Variants in BDH1 observed in about 807,000 individuals in gnomAD.
BDH1 encodes the protein D-beta-hydroxybutyrate dehydrogenase, mitochondrial.
In BDH1, 30 loss-of-function variants were observed where a neutral mutation model predicts 33.1. The ratio of observed to expected loss-of-function variants is 0.91; its 90% CI spans 0.68 to 1.23. The LOEUF (loss-of-function observed/expected upper bound fraction) is 1.23, where lower values mean the gene tolerates loss of function less well. BDH1 is among the 50% of genes most tolerant of loss of function. The pLI is 0.00. For missense variants in BDH1, 443 were observed against 464.4 expected (o/e 0.95, Z 0.42); for synonymous variants, 190 against 183.6 (o/e 1.03, Z -0.28).
chr3:197,569,487 C>T (rs566494242), intron 1 of BDH1, among the ~76,000 whole-genome samples: 1 of 152,286 alleles, frequency 6.6e-6, no homozygotes, highest in South Asian at 2.1e-4. Flanking sequence ...CAAATATCAT[C>T]TTGAACTGTA....
At chr3:197,560,852 G>C (rs926081568), upstream of BDH1, among the ~76,000 whole-genome samples, 26 of 152,186 alleles carry the variant, frequency 1.7e-4, no homozygotes, top group African/African-American at 5.3e-4. Context: ...TCTTTGGAAA[G>C]GCTAATCAGA....
Position 197,511,955 on chromosome 3 carries a change from C to T in BDH1, c.972G>A (p.Leu324=), listed in dbSNP as rs762905070. The T allele has an allele frequency of 6.3e-7, 1 of 1,598,584 alleles. No homozygotes were observed. Among genetic ancestry groups the T allele is most frequent in the Non-Finnish European group, 8.5e-7 (1 of 1,170,650 alleles). Residue 324 remains leucine, a synonymous_variant, in exon 8 of 8, where the codon CTG becomes CTA. Coordinates refer to ENST00000392379, the MANE Select transcript of BDH1 (RefSeq NM_203314.3). ...GCAAGTGGGTCATGATCTGCATTCG[C>T]AGCCACCAGTAGTAGTCCATGGGGT... ...RYHPMDYYWW[L]RMQIMTHLPG... is the part of the protein sequence containing the mutation.
rs1326478099 is a variant in BDH1 at position 197,521,193 on chromosome 3, T to C, written c.409+1447A>G. Among the ~76,000 whole-genome samples, 1 of 152,184 alleles carries C rather than the reference T, an allele frequency of 6.6e-6. No homozygotes were observed. Among genetic ancestry groups the C allele is most frequent in the Non-Finnish European group, 1.5e-5 (1 of 68,022 alleles). ...AGGCCTGAATGACGCACACCCTTTC[T>C]GCCTGGGCTGTCAGGGAGCTCAAAG... is the stretch of plus-strand genomic sequence containing the variant. On this transcript the variant is annotated intron_variant, in intron 6 of 7. Coordinates refer to ENST00000392379, the MANE Select transcript of BDH1 (RefSeq NM_203314.3). The surrounding 1 kb of genome is among the most constrained non-coding windows in gnomAD (Gnocchi z 4.9).
chr3:197,511,680 G>A lies in BDH1; in HGVS notation c.*215C>T. 1 of 475,474 alleles carries A rather than the reference G, an allele frequency of 2.1e-6. No individual in the cohort carries two copies. Among genetic ancestry groups the A allele is most frequent in the African/African-American group, 2.0e-5 (1 of 50,798 alleles). The allele number at this position is 475,474 out of a possible 1,614,324, so 29.5% of individuals were successfully genotyped here. A position where few individuals can be genotyped will look rare whatever the true frequency, so the allele number is the denominator to read the frequency against. On this transcript the variant is annotated 3_prime_UTR_variant, in exon 8 of 8. Transcript: ENST00000392379. Reference sequence around the variant, plus strand: ...TTCACCATGTTTGCCCTGAGATTTAGAGGCCTCTGCCTGCCACTCCACACC... The same window carrying A: ...TTCACCATGTTTGCCCTGAGATTTAAAGGCCTCTGCCTGCCACTCCACACC...
upstream of BDH1, among the ~76,000 whole-genome samples, chr3:197,557,841 G>A (rs775234371): frequency 2.0e-5 from 3 of 152,252 alleles, no homozygotes; most frequent in Non-Finnish European, 2.9e-5. This position sits in a 1 kb window ranked among gnomAD's most constrained non-coding sequence, Gnocchi z 4.6. Flanking sequence ...GGAGAATCAG[G>A]AAGGGAGGAT....
intron 5 of BDH1, chr3:197,529,852 G>C (rs12718046): frequency 0.42 from 64,334 of 151,932 alleles, 16,536 homozygotes; most frequent in African/African-American, 0.73. Context: ...GTTCCTACTG[G>C]CTTGAAAATA....
chr3:197,554,979 A>AG lies in BDH1; in HGVS notation c.-195-267dup, dbSNP rs770707840. Among the ~76,000 whole-genome samples the AG allele has an allele frequency of 1.7e-4, 26 of 152,326 alleles. No homozygotes were observed. Among genetic ancestry groups the AG allele is most frequent in the Admixed American group, 1.5e-3 (23 of 15,310 alleles). Reference sequence around the variant, plus strand: ...ACGGCCGGCCGGAGGGCGGGGAGAGAGGGGGGCTCGGCCAGAGCCACGCTT... The same window carrying AG: ...ACGGCCGGCCGGAGGGCGGGGAGAGAGGGGGGGCTCGGCCAGAGCCACGCTT... On this transcript the variant is annotated intron_variant, in intron 1 of 7. Coordinates refer to ENST00000392379, the MANE Select transcript of BDH1 (RefSeq NM_203314.3). This position sits in a 1 kb window ranked among gnomAD's most constrained non-coding sequence, Gnocchi z 4.4.
chr3:197,532,257 A>C (rs953750784), intron 5 of BDH1, among the ~76,000 whole-genome samples, 155 bp downstream of exon 5: 24 of 152,232 alleles, frequency 1.6e-4, no homozygotes, highest in African/African-American at 4.6e-4. Context: ...TGGATGGACA[A>C]AGCTATGAAG....
chr3:197,535,721 A>C (rs1162151380), intron 3 of BDH1, among the ~76,000 whole-genome samples: 1 of 152,186 alleles, frequency 6.6e-6, no homozygotes, highest in African/African-American at 2.4e-5. Context: ...CCCAGGACCC[A>C]AAGATTTTCT....
At chr3:197,552,801 T>C (rs1716677588) in intron 2 of BDH1, among the ~76,000 whole-genome samples, 1 of 152,236 alleles carries the variant, frequency 6.6e-6, no homozygotes, top group Non-Finnish European at 1.5e-5. Flanking sequence ...TCTTGTTTGT[T>C]GTTGTTCAGT....
chr3:197,517,001 C>T (rs780978867), intron 6 of BDH1, among the ~76,000 whole-genome samples: 19 of 152,084 alleles, frequency 1.2e-4, no homozygotes, highest in Non-Finnish European at 2.6e-4. Context: ...GGGATTTGGA[C>T]CCAGATCTCT....
At chr3:197,563,585 A>G (rs1717335973) in intron 1 of BDH1, among the ~76,000 whole-genome samples, 1 of 152,248 alleles carries the variant, frequency 6.6e-6, no homozygotes, top group Non-Finnish European at 1.5e-5. Context: ...TGAATGTAAT[A>G]CTTGTAGACA....
chr3:197,545,376 A>G (rs992072389), intron 3 of BDH1, among the ~76,000 whole-genome samples: 1 of 152,226 alleles, frequency 6.6e-6, no homozygotes, highest in Admixed American at 6.5e-5. Context: ...TTTCATGCAT[A>G]AAGTTTTAAA....
In BDH1 at chr3:197,528,170, T is replaced by C. The variant is rs1426973290; in HGVS notation, c.267+4242A>G. The C allele has an allele frequency of 6.6e-6, 1 of 152,134 alleles. No individual in the cohort carries two copies. Among genetic ancestry groups the C allele is most frequent in the African/African-American group, 2.4e-5 (1 of 41,408 alleles). 9.4% of individuals were successfully genotyped at this position (152,134 alleles called of 1,614,324 possible). On this transcript the variant is annotated intron_variant, in intron 5 of 7. Transcript: ENST00000392379. The surrounding 1 kb of genome is among the most constrained non-coding windows in gnomAD (Gnocchi z 5.1). The stretch of plus-strand genomic sequence containing the variant: ...GAATAAATAAACAAGTAAATAAACA[T>C]CGTGATGGGGCAAAGCCTGATCCAG...
intron 3 of BDH1, 145 bp from the exon 4 acceptor site, chr3:197,533,706 AC>A: frequency 1.4e-6 from 1 of 714,264 alleles, no homozygotes; most frequent in Non-Finnish European, 2.4e-6. Context: ...CCCTCTTTCC[AC>A]CAGGGTTGCT....
intron 1 of BDH1, among the ~76,000 whole-genome samples, chr3:197,571,633 TTGCCTTC>T (rs1472286994): frequency 1.3e-5 from 2 of 152,258 alleles, no homozygotes; most frequent in African/African-American, 2.4e-5. Context: ...GATGTGCCTT[TTGCCTTC>T]TGCCATAATT....
At position 197,514,696 on chromosome 3, in the gene BDH1, C is replaced by A. The variant is rs1197795172; in HGVS notation, c.410-280G>T. ...CCATCATGACCCAGCCTGCCGTGTC[C>A]CCCGGCCTTCAGTCTCACCTCACCT... On this transcript the variant is annotated intron_variant, in intron 6 of 7. Coordinates refer to ENST00000392379, the MANE Select transcript of BDH1 (RefSeq NM_203314.3). The surrounding 1 kb of genome is among the most constrained non-coding windows in gnomAD (Gnocchi z 4.2). Among the ~76,000 whole-genome samples the A allele has an allele frequency of 1.3e-5, 2 of 152,148 alleles. No individual in the cohort carries two copies. Among genetic ancestry groups the A allele is most frequent in the African/African-American group, 2.4e-5 (1 of 41,440 alleles).
chr3:197,517,562 G>A (rs1379978271), intron 6 of BDH1, among the ~76,000 whole-genome samples: 1 of 13,720 alleles, frequency 7.3e-5, no homozygotes, highest in Non-Finnish European at 1.4e-4. Flanking sequence ...CCTTCAGGCC[G>A]ACCCCCCCAT....
chr3:197,562,199 A>C (rs1415476107), intron 1 of BDH1, among the ~76,000 whole-genome samples: 1 of 151,936 alleles, frequency 6.6e-6, no homozygotes, highest in Non-Finnish European at 1.5e-5. Context: ...AGTTTACAGG[A>C]AGTGGTCTTG....
Sources: gnomAD v4.1 joint callset for allele counts (sites outside exome capture counted in the v4.1 genomes callset) on GRCh38, gnomAD v4.1.1 for gene constraint, Gnocchi (gnomAD v3.1) non-coding constraint, MANE v1.5 for transcripts, NCBI Gene and HGNC (gene_info 2026-07-23, HGNC 2026-07-21) for gene names.